PPP4R3A: variants seen among roughly 807,000 people sequenced by gnomAD.
PPP4R3A encodes serine/threonine-protein phosphatase 4 regulatory subunit 3A.
Under a neutral mutation model 91.7 loss-of-function variants are expected in PPP4R3A, and 15 were observed. That is an observed-to-expected ratio of 0.16 (90% confidence interval 0.11 to 0.25). The LOEUF is 0.25. Among genes scored for constraint, PPP4R3A ranks in the 10% least tolerant of loss-of-function variants. The pLI is 1.00. For missense variants in PPP4R3A, 623 were observed against 998.4 expected, an observed-to-expected ratio of 0.62 and a Z score of 5.07; for synonymous variants, 377 against 348.7, an observed-to-expected ratio of 1.08 and a Z score of -0.91.
intron 10 of PPP4R3A, among the ~76,000 whole-genome samples, chr14:91,467,557 A>G (rs1888548053): frequency 6.7e-6 from 1 of 150,202 alleles, no homozygotes; most frequent in Non-Finnish European, 1.5e-5. Flanking sequence ...ATAAAGCTTT[A>G]TTTCACTCCT....
chr14:91,494,380 G>A (rs201755710), intron 1 of PPP4R3A, among the ~76,000 whole-genome samples: 1 of 152,238 alleles, frequency 6.6e-6, no homozygotes, highest in East Asian at 1.9e-4. Flanking sequence ...CACAGAATGA[G>A]AGAAAAGATT....
rs907479494 is a variant in PPP4R3A, at chr14:91,458,680, T to C, written c.*79A>G. 8 of 1,607,140 alleles carry C rather than the reference T, an allele frequency of 5.0e-6. No individual in the cohort carries two copies. Among genetic ancestry groups the C allele is most frequent in the Non-Finnish European group, 6.0e-6 (7 of 1,174,144 alleles). On this transcript the variant is annotated 3_prime_UTR_variant, in exon 15 of 15. Transcript: ENST00000554943. ...AGTCATTCACAAGAGACCACTGCGC[T>C]TTGTTGTGGATTTTGTATGGGGGAG...
chr14:91,504,199 G>A (rs1344443446), intron 1 of PPP4R3A, among the ~76,000 whole-genome samples: 1 of 151,252 alleles, frequency 6.6e-6, no homozygotes, highest in Non-Finnish European at 1.5e-5. Context: ...TAATTACCCA[G>A]GCACAGTGGT....
Position 91,510,031 on chromosome 14 carries a change from T to G in PPP4R3A, c.-384A>C. ...AGCAGCTTCCCGCGCCGCCGCCGCC[T>G]CCTCAGGCCGCCGCCGCCGCCGCCA... is the stretch of plus-strand genomic sequence containing the variant. On this transcript the variant is annotated 5_prime_UTR_variant, in exon 1 of 15. Transcript: ENST00000554943. 1 of 828,402 alleles carries G rather than the reference T, an allele frequency of 1.2e-6. No individual in the cohort carries two copies. The highest frequency in any genetic ancestry group is 1.5e-6 in the Non-Finnish European group (1 of 683,746). The allele number at this position is 828,402 out of a possible 1,614,324, so 51.3% of individuals were successfully genotyped here.
chr14:91,504,337 A>AAAAAG (rs1256917044), intron 1 of PPP4R3A, among the ~76,000 whole-genome samples: 23 of 150,456 alleles, frequency 1.5e-4, no homozygotes, highest in Non-Finnish European at 2.1e-4. Flanking sequence ...AAAAAAAAAA[A>AAAAAG]AAAAGAAAAG....
intron 3 of PPP4R3A, 36 bp downstream of exon 3, chr14:91,485,596 A>C (rs1889831705): frequency 6.8e-7 from 1 of 1,466,998 alleles, no homozygotes; most frequent in Non-Finnish European, 9.4e-7. Context: ...TAAACACTTA[A>C]AGAAAGCATG....
intron 4 of PPP4R3A, among the ~76,000 whole-genome samples, chr14:91,478,406 A>G (rs1026777019): frequency 1.3e-5 from 2 of 152,256 alleles, no homozygotes; most frequent in African/African-American, 2.4e-5. Flanking sequence ...ATGGGGCTAT[A>G]CAAAGTGGGC....
intron 1 of PPP4R3A, among the ~76,000 whole-genome samples, chr14:91,509,013 G>A (rs1891585544): frequency 6.6e-6 from 1 of 152,170 alleles, no homozygotes; most frequent in Non-Finnish European, 1.5e-5. Flanking sequence ...TCAGAAACAT[G>A]TAGCAAAAAG....
At chr14:91,478,994 A>G (rs914568647) in intron 4 of PPP4R3A, among the ~76,000 whole-genome samples, 1 of 152,146 alleles carries the variant, frequency 6.6e-6, no homozygotes. Context: ...GCTCAATGCA[A>G]CCTCTGCCTA....
At chr14:91,488,272 CTG>C (rs1890021623) in intron 2 of PPP4R3A, among the ~76,000 whole-genome samples, 1 of 151,912 alleles carries the variant, frequency 6.6e-6, no homozygotes, top group Non-Finnish European at 1.5e-5. Context: ...ATTTATATAA[CTG>C]TCAATCATGA....
chr14:91,470,469 C>A (rs1322514472), intron 10 of PPP4R3A, among the ~76,000 whole-genome samples: 2 of 152,134 alleles, frequency 1.3e-5, no homozygotes, highest in African/African-American at 2.4e-5. Context: ...TCTTCTCAGG[C>A]CACCTTTTAA....
At chr14:91,464,320 CCACCCCCCTCCCT>C (rs1888348454) in intron 11 of PPP4R3A, among the ~76,000 whole-genome samples, 1 of 139,344 alleles carries the variant, frequency 7.2e-6, no homozygotes, top group Non-Finnish European at 1.6e-5. Context: ...GACTCTGTCC[CCACCCCCCTCCCT>C]CACCCCCCAA....
chr14:91,494,253 C>T (rs936250644), intron 1 of PPP4R3A, among the ~76,000 whole-genome samples: 2 of 152,102 alleles, frequency 1.3e-5, no homozygotes, highest in Admixed American at 6.5e-5. Flanking sequence ...AACTAGGAAA[C>T]GCTTCTCTAA....
At position 91,510,041 on chromosome 14, in the gene PPP4R3A, G is replaced by A; in HGVS notation, c.-394C>T. On this transcript the variant is annotated 5_prime_UTR_variant, in exon 1 of 15. Coordinates refer to ENST00000554943, the MANE Select transcript of PPP4R3A (RefSeq NM_001366432.2). ...CGCGCCGCCGCCGCCTCCTCAGGCC[G>A]CCGCCGCCGCCGCCATATTTTCCTT... The A allele has an allele frequency of 5.8e-6, 4 of 685,194 alleles. No homozygotes were observed. The highest frequency in any genetic ancestry group is 7.2e-6 in the Non-Finnish European group (4 of 553,496). The allele number at this position is 685,194 out of a possible 1,614,324, so 42.4% of individuals were successfully genotyped here.
chr14:91,491,113 G>A (rs1271464703), intron 1 of PPP4R3A, among the ~76,000 whole-genome samples: 2 of 151,756 alleles, frequency 1.3e-5, no homozygotes, highest in Non-Finnish European at 2.9e-5. Flanking sequence ...CACCATGTTG[G>A]TCAGGCTGGT....
rs144068152 is a variant in PPP4R3A at position 91,500,265 on chromosome 14, A to C, written c.142+9241T>G. Among the ~76,000 whole-genome samples the C allele has an allele frequency of 5.5e-3, 839 of 152,218 alleles. 5 individuals are homozygous for C. Among genetic ancestry groups the C allele is most frequent in the African/African-American group, 0.019 (796 of 41,534 alleles). ...TGTCAGGCTGGAGTGCGGTGGCACG[A>C]TCTCGGCTCACTGCAACCTCCACCT... On this transcript the variant is annotated intron_variant, in intron 1 of 14. Transcript: ENST00000554943.
At chr14:91,465,572 G>A (rs1334776884) in intron 10 of PPP4R3A, among the ~76,000 whole-genome samples, 153 bp from the exon 11 acceptor site, 1 of 152,054 alleles carries the variant, frequency 6.6e-6, no homozygotes, top group African/African-American at 2.4e-5. Flanking sequence ...TGAACCTAAA[G>A]ATAAGGATTA....
At position 91,509,941 on chromosome 14, in the gene PPP4R3A, C is replaced by G. The variant is rs933276767; in HGVS notation, c.-294G>C. 274 of 1,029,968 alleles carry G rather than the reference C, an allele frequency of 2.7e-4. No individual in the cohort carries two copies. The highest frequency in any genetic ancestry group is 3.5e-4 in the Admixed American group (6 of 17,366). The allele number at this position is 1,029,968 out of a possible 1,614,324, so 63.8% of individuals were successfully genotyped here. ...CGCAGCGCTTCGTAGCCTCCCGCCCCGCAGCGCTAGGAACTCGGGGCTCCC... is the reference window on the plus strand; with the variant it reads ...CGCAGCGCTTCGTAGCCTCCCGCCCGGCAGCGCTAGGAACTCGGGGCTCCC... On this transcript the variant is annotated 5_prime_UTR_variant, in exon 1 of 15. Coordinates refer to ENST00000554943, the MANE Select transcript of PPP4R3A (RefSeq NM_001366432.2).
intron 10 of PPP4R3A, among the ~76,000 whole-genome samples, chr14:91,465,711 A>G (rs1051804506): frequency 6.6e-6 from 1 of 152,230 alleles, no homozygotes; most frequent in Non-Finnish European, 1.5e-5. Flanking sequence ...TACATCTAAA[A>G]TAAGAGCTAA....
Sources: gnomAD v4.1 joint callset for allele counts (sites outside exome capture counted in the v4.1 genomes callset) on GRCh38, gnomAD v4.1.1 for gene constraint, MANE v1.5 for transcripts, NCBI Gene and HGNC (gene_info 2026-07-23, HGNC 2026-07-21) for gene names.